EDNRB: variants seen among roughly 807,000 people sequenced by gnomAD.
EDNRB encodes Hirschsprung disease 2.
A neutral mutation model predicts 46.4 loss-of-function variants in EDNRB; 18 were observed. That is an observed-to-expected ratio of 0.39 (90% CI 0.27 to 0.57). EDNRB has a LOEUF of 0.57. Among genes scored for constraint, EDNRB ranks in the 20% least tolerant of loss-of-function variants. The pLI is 0.61. For missense variants in EDNRB, 434 were observed against 537.5 expected (o/e 0.81, Z 1.90); for synonymous variants, 213 against 204.9 (o/e 1.04, Z -0.34).
chr13:77,969,680 C>A (rs753239089), intron 1 of EDNRB, among the ~76,000 whole-genome samples: 64 of 152,262 alleles, frequency 4.2e-4, no homozygotes, highest in South Asian at 8.3e-4. Context: ...AAACATTACC[C>A]GCCTGCACCA....
intron 1 of EDNRB, among the ~76,000 whole-genome samples, chr13:77,964,014 G>GA (rs1290365647): frequency 2.0e-5 from 3 of 152,164 alleles, no homozygotes; most frequent in Admixed American, 1.3e-4. Context: ...ACAGACACAT[G>GA]AAAAAATGTG....
chr13:77,959,229 G>A (rs557264688), intron 1 of EDNRB, among the ~76,000 whole-genome samples: 1 of 152,286 alleles, frequency 6.6e-6, no homozygotes, highest in South Asian at 2.1e-4. Flanking sequence ...GTCTGAGAAT[G>A]GACAGACTGC....
intron 1 of EDNRB, among the ~76,000 whole-genome samples, chr13:77,969,314 G>C (rs1881663453): frequency 1.3e-5 from 2 of 152,146 alleles, no homozygotes; most frequent in African/African-American, 4.8e-5. Context: ...TACACACTCA[G>C]GATTGCTGTT....
At chr13:77,941,683 T>G (rs113247966) in intron 1 of EDNRB, among the ~76,000 whole-genome samples, 15 of 49,972 alleles carry the variant, frequency 3.0e-4, no homozygotes, top group African/African-American at 1.2e-3. Context: ...TTCAAAAGGA[T>G]GAGGAGTGGT....
At chr13:77,947,520 G>A (rs1880961947) in intron 1 of EDNRB, 1 of 151,872 alleles carries the variant, frequency 6.6e-6, no homozygotes, top group African/African-American at 2.4e-5. Flanking sequence ...TTTTAGAGAT[G>A]AGTGCAATAG....
intron 1 of EDNRB, among the ~76,000 whole-genome samples, chr13:77,960,320 C>G (rs987598703): frequency 6.6e-6 from 1 of 152,170 alleles, no homozygotes; most frequent in African/African-American, 2.4e-5. Flanking sequence ...GAAAGCCCAT[C>G]AGACTAACAG....
chr13:77,909,219 GAAAC>G (rs1376368830), intron 1 of EDNRB, among the ~76,000 whole-genome samples: 2 of 151,982 alleles, frequency 1.3e-5, no homozygotes, highest in Non-Finnish European at 2.9e-5. Flanking sequence ...GCTTGAGAAA[GAAAC>G]AAGGCAAGAG....
intron 1 of EDNRB, among the ~76,000 whole-genome samples, chr13:77,958,730 A>G (rs901348185): frequency 6.6e-6 from 1 of 152,196 alleles, no homozygotes; most frequent in African/African-American, 2.4e-5. Flanking sequence ...TATTAATGAG[A>G]CTAAACAAGA....
chr13:77,961,565 A>T (rs1408049468), intron 1 of EDNRB, among the ~76,000 whole-genome samples: 1 of 152,188 alleles, frequency 6.6e-6, no homozygotes, highest in Non-Finnish European at 1.5e-5. Context: ...AGAAATAAAG[A>T]TGCTCTTTGA....
intron 1 of EDNRB, among the ~76,000 whole-genome samples, chr13:77,926,502 C>T (rs1251359286): frequency 6.6e-6 from 1 of 152,178 alleles, no homozygotes; most frequent in Non-Finnish European, 1.5e-5. Context: ...TAATGAGAGT[C>T]ACCTTTGCTC....
chr13:77,949,971 T>G (rs867314190), intron 1 of EDNRB, among the ~76,000 whole-genome samples: 6 of 152,144 alleles, frequency 3.9e-5, no homozygotes, highest in Admixed American at 2.0e-4. Flanking sequence ...ATAGTTCTAC[T>G]CTGGATCTTG....
chr13:77,927,161 G>C (rs1271795740), intron 1 of EDNRB, among the ~76,000 whole-genome samples: 1 of 152,140 alleles, frequency 6.6e-6, no homozygotes, highest in Non-Finnish European at 1.5e-5. Context: ...TCTCTGGAGA[G>C]GTTGTTGTTG....
chr13:77,931,450 C>T (rs77156815), intron 1 of EDNRB, among the ~76,000 whole-genome samples: 13,066 of 152,042 alleles, frequency 0.086, 679 homozygotes, highest in Middle Eastern at 0.13. Flanking sequence ...TGTAGCTGAT[C>T]GGTGGGGGAA....
intron 1 of EDNRB, among the ~76,000 whole-genome samples, chr13:77,955,684 G>C (rs1016762367): frequency 6.6e-6 from 1 of 151,932 alleles, no homozygotes; most frequent in African/African-American, 2.4e-5. Context: ...TCATTCTTTT[G>C]CTTGTAAATA....
chr13:77,920,753 G>A (rs999941692), upstream of EDNRB, among the ~76,000 whole-genome samples: 1 of 152,190 alleles, frequency 6.6e-6, no homozygotes, highest in Non-Finnish European at 1.5e-5. Flanking sequence ...TCCCTGTCTC[G>A]TAAGAACGAG....
At chr13:77,906,378 A>T (rs1240049689) in intron 1 of EDNRB, among the ~76,000 whole-genome samples, 1 of 152,030 alleles carries the variant, frequency 6.6e-6, no homozygotes, top group East Asian at 1.9e-4. Context: ...TCTGCTATTG[A>T]TTACTCCTCC....
chr13:77,947,082 A>C (rs1880943548), intron 1 of EDNRB, among the ~76,000 whole-genome samples: 1 of 152,222 alleles, frequency 6.6e-6, no homozygotes, highest in South Asian at 2.1e-4. Flanking sequence ...ATTGCTCATA[A>C]CACTAAGTGT....
Position 77,897,866 on chromosome 13 carries a change from G to T in EDNRB, c.*334C>A, listed in dbSNP as rs199552480. 116 of 1,027,938 alleles carry T rather than the reference G, an allele frequency of 1.1e-4. No individual in the cohort carries two copies. The highest frequency in any genetic ancestry group is 1.3e-4 in the Non-Finnish European group (114 of 856,436). 63.7% of individuals were successfully genotyped at this position (1,027,938 alleles called of 1,614,324 possible). Reference sequence around the variant, plus strand: ...TGATTTAAAAATAAATCTCTTTTTAGAAAGAATAGAAATTCTGAGTGAGCT... The same window carrying T: ...TGATTTAAAAATAAATCTCTTTTTATAAAGAATAGAAATTCTGAGTGAGCT... On this transcript the variant is annotated 3_prime_UTR_variant, in exon 7 of 7. Transcript: ENST00000646607.
chr13:77,898,353 C>A lies in EDNRB; in HGVS notation c.1195-19G>T. Reference sequence around the variant, plus strand: ...AGCATGACTGTACAAAACAAAGTAACTCATTATATGTTAACATCAGTCACC... The same window carrying A: ...AGCATGACTGTACAAAACAAAGTAAATCATTATATGTTAACATCAGTCACC... On this transcript the variant is annotated intron_variant, in intron 6 of 6. Transcript: ENST00000646607. 6.2e-7 allele frequency: 1 copy of A among 1,610,968 alleles called. No homozygotes were observed. The highest frequency in any genetic ancestry group is 8.5e-7 in the Non-Finnish European group (1 of 1,178,244).
Sources: gnomAD v4.1 joint callset for allele counts (sites outside exome capture counted in the v4.1 genomes callset) on GRCh38, gnomAD v4.1.1 for gene constraint, MANE v1.5 for transcripts, NCBI Gene and HGNC (gene_info 2026-07-23, HGNC 2026-07-21) for gene names.